Variants in NPHS1 observed in about 807,000 individuals in gnomAD.
NPHS1 encodes NPHS1 adhesion molecule, nephrin.
NPHS1 carries 107 observed loss-of-function variants against 139.7 expected under a neutral mutation model. The ratio of observed to expected loss-of-function variants is 0.77; its 90% CI spans 0.66 to 0.90. The LOEUF (loss-of-function observed/expected upper bound fraction) is 0.90, where lower values mean the gene tolerates loss of function less well. Among genes scored for constraint, NPHS1 ranks in the 40% least tolerant of loss-of-function variants. The pLI, the probability that NPHS1 is intolerant of heterozygous loss-of-function variation, is 0.00. For missense variants in NPHS1, 1,580 were observed against 1,654.2 expected (o/e 0.96, Z 0.78); for synonymous variants, 707 against 706.6 (o/e 1.00, Z -0.01).
At position 35,831,132 on chromosome 19, in the gene NPHS1, C is replaced by G. The variant is rs1202176722; in HGVS notation, c.3402G>C (p.Glu1134Asp). The G allele has an allele frequency of 1.2e-6, 2 of 1,613,976 alleles. No homozygotes were observed. The highest frequency in any genetic ancestry group is 1.7e-6 in the Non-Finnish European group (2 of 1,180,018). ...TCAGGGAGCGGTAATACGGCTCTGC[C>G]TCTGTTGTGCTGACCTGTTCCCCAC... ...DTQSSTVSTT[E>D]AEPYYRSLRD... is the part of the protein sequence containing the mutation. The change falls in exon 27 of 29, where the codon GAG becomes GAC. Residue 1134 changes from glutamate (E) to aspartate (D), a missense_variant. Glu to Asp is a conservative substitution (Grantham distance 45, BLOSUM62 2). Transcript: ENST00000378910.
chr19:35,851,130 A>G, intron 3 of NPHS1, 41 bp from the exon 4 acceptor site: 2 of 1,613,914 alleles, frequency 1.2e-6, no homozygotes, highest in Non-Finnish European at 1.7e-6. Context: ...CAGCACTGAG[A>G]AGGACTTGAA....
chr19:35,849,030 G>A lies in NPHS1; in HGVS notation c.958C>T (p.His320Tyr). The A allele has an allele frequency of 1.2e-6, 2 of 1,612,090 alleles. No homozygotes were observed. The highest frequency in any genetic ancestry group is 1.7e-6 in the Non-Finnish European group (2 of 1,180,030). ...DHGAQLSCEA[H>Y]NSVSAGTQEH... ...TGGGTCCCTGCAGACACGCTGTTGT[G>A]GGCCTCGCAGCTGAGCTGCGCTCCA... The change falls in exon 8 of 29, where the codon CAC (histidine) becomes TAC (tyrosine). Residue 320 changes from histidine (H) to tyrosine (Y), a missense_variant. His to Tyr is a moderately conservative substitution (Grantham distance 83). Coordinates refer to ENST00000378910, the MANE Select transcript of NPHS1 (RefSeq NM_004646.4).
rs1973130086 is a variant in NPHS1, at chr19:35,845,704, C to A, written c.1722G>T (p.Pro574=). The change falls in exon 13 of 29, where the codon CCG becomes CCT. Residue 574 remains proline (P), a synonymous_variant. Transcript: ENST00000378910. The surrounding 1 kb of genome is among the most constrained non-coding windows in gnomAD (Gnocchi z 5.5). The part of the protein sequence containing the change: ...NLTCVSVSSN[P]PVNLSWDKEG... ...CCTTGTCCCAGGACAAGTTGACCGGCGGATTGCTGCTGACGCTGACGCATG... is the reference window on the plus strand; with the variant it reads ...CCTTGTCCCAGGACAAGTTGACCGGAGGATTGCTGCTGACGCTGACGCATG... The A allele has an allele frequency of 6.2e-7, 1 of 1,614,016 alleles. No homozygotes were observed. Among genetic ancestry groups the A allele is most frequent in the Non-Finnish European group, 8.5e-7 (1 of 1,179,948 alleles).
chr19:35,830,566 T>C (rs1367680701), intron 28 of NPHS1, among the ~76,000 whole-genome samples: 3 of 152,240 alleles, frequency 2.0e-5, no homozygotes, highest in Non-Finnish European at 2.9e-5. Flanking sequence ...CACACCTCCA[T>C]GCCTGGCTCA....
At chr19:35,848,895 C>CA in intron 8 of NPHS1, 81 bp downstream of exon 8, 1 of 1,609,992 alleles carries the variant, frequency 6.2e-7, no homozygotes, top group Non-Finnish European at 8.5e-7. Context: ...CTTTGGCATC[C>CA]AGTAGGCATA....
intron 28 of NPHS1, among the ~76,000 whole-genome samples, chr19:35,827,671 C>T (rs1006642617): frequency 1.3e-5 from 2 of 152,164 alleles, no homozygotes; most frequent in African/African-American, 2.4e-5. Flanking sequence ...GTAATCCTAG[C>T]ATTTTGGGAG....
At chr19:35,826,782 A>G in intron 28 of NPHS1, 137 bp from the exon 29 acceptor site, 1 of 915,410 alleles carries the variant, frequency 1.1e-6, no homozygotes, top group Non-Finnish European at 1.7e-6. Context: ...AACATATACA[A>G]AAAAGGAGTG....
At position 35,842,293 on chromosome 19, in the gene NPHS1, G is replaced by A. The variant is rs536518140; in HGVS notation, c.2507-13C>T. The A allele has an allele frequency of 2.1e-4, 346 of 1,612,244 alleles. No individual in the cohort carries two copies. In the South Asian group the frequency reaches 3.4e-3, roughly 16 times the overall value. ...ACCTGGGGGGCAACTGGGAGGGGAT[G>A]GGCAGTCAACATGAGCTATGTGGGA... is the stretch of plus-strand genomic sequence containing the variant. On this transcript the variant is annotated splice_polypyrimidine_tract_variant and intron_variant, in intron 18 of 28. Transcript: ENST00000378910.
chr19:35,837,743 C>T (rs1972988172), intron 22 of NPHS1, among the ~76,000 whole-genome samples: 1 of 152,032 alleles, frequency 6.6e-6, no homozygotes. Context: ...ACTGGGATTA[C>T]AGGCATGTGC....
rs1173672976 is a variant in NPHS1, at chr19:35,849,287, C to T, written c.789G>A (p.Leu263=). The T allele has an allele frequency of 1.9e-6, 3 of 1,613,158 alleles. No homozygotes were observed. Among genetic ancestry groups the T allele is most frequent in the East Asian group, 2.2e-5 (1 of 44,888 alleles). Residue 263 remains leucine, a synonymous_variant, in exon 7 of 29, where the codon CTG becomes CTA. Coordinates refer to ENST00000378910, the MANE Select transcript of NPHS1 (RefSeq NM_004646.4). ...GHVRAGQSLE[L]PCVARGGNPL... ...GATTACCCCCTCGGGCCACGCACGG[C>T]AGCTCCAAGCTCTGTCCTGCCCGCA...
chr19:35,826,612 A>G lies in NPHS1; in HGVS notation c.3628T>C (p.Tyr1210His). 2.5e-6 allele frequency: 4 copies of G among 1,614,044 alleles called. No homozygotes were observed. Among genetic ancestry groups the G allele is most frequent in the Non-Finnish European group, 3.4e-6 (4 of 1,179,976 alleles). Reference sequence around the variant, plus strand: ...TCATAGATTCCTCTTGGATCCTGATATGTGTCTTCAGGCCAGTGGAGGTCC... The same window carrying G: ...TCATAGATTCCTCTTGGATCCTGATGTGTGTCTTCAGGCCAGTGGAGGTCC... The part of the protein sequence containing the change: ...PWDLHWPEDT[Y>H]QDPRGIYDQV... Residue 1210 changes from tyrosine (Y) to histidine (H), a missense_variant, in exon 29 of 29, where the codon TAT becomes CAT. By Grantham distance (83) the Tyr-to-His change is moderately conservative. Transcript: ENST00000378910.
rs760212563 is a variant in NPHS1 at position 35,826,657 on chromosome 19, A to G, written c.3595-12T>C. ...AGGTCCCAGGGTCCCTGACAGGCAA[A>G]AAGTGGAGTTAGAACCATGGAGAGA... On this transcript the variant is annotated splice_polypyrimidine_tract_variant and intron_variant, in intron 28 of 28. Coordinates refer to ENST00000378910, the MANE Select transcript of NPHS1 (RefSeq NM_004646.4). 1 of 1,613,966 alleles carries G rather than the reference A, an allele frequency of 6.2e-7. No individual in the cohort carries two copies. The highest frequency in any genetic ancestry group is 1.3e-5 in the African/African-American group (1 of 74,922).
At chr19:35,839,712 AT>A in intron 20 of NPHS1, 105 bp from the exon 21 acceptor site, 1 of 877,650 alleles carries the variant, frequency 1.1e-6, no homozygotes. Flanking sequence ...ATCGCTTCTC[AT>A]TGTTCATAGC....
intron 20 of NPHS1, among the ~76,000 whole-genome samples, chr19:35,840,553 C>A (rs1462757707): frequency 6.6e-6 from 1 of 151,856 alleles, no homozygotes; most frequent in African/African-American, 2.4e-5. Flanking sequence ...CCAGGATGGT[C>A]TCGATCTCCT....
chr19:35,849,219 C>G lies in NPHS1; in HGVS notation c.840+17G>C. ...CCCCACTGTCCCCCCATTCCCCATG[C>G]CCGCGTTTGCCCTCACCTTCAGCCA... On this transcript the variant is annotated intron_variant, in intron 7 of 28. Coordinates refer to ENST00000378910, the MANE Select transcript of NPHS1 (RefSeq NM_004646.4). The G allele has an allele frequency of 6.2e-7, 1 of 1,613,762 alleles. No individual in the cohort carries two copies. The highest frequency in any genetic ancestry group is 8.5e-7 in the Non-Finnish European group (1 of 1,180,034).
chr19:35,838,855 TA>T (rs960523912), intron 22 of NPHS1, among the ~76,000 whole-genome samples: 6 of 151,078 alleles, frequency 4.0e-5, no homozygotes, highest in Admixed American at 6.6e-5. Context: ...CTCAAAAAAA[TA>T]AAAAAAAATT....
At chr19:35,832,978 G>A (rs775252790) in intron 23 of NPHS1, among the ~76,000 whole-genome samples, 80 of 150,732 alleles carry the variant, frequency 5.3e-4, no homozygotes, top group Non-Finnish European at 9.6e-4. Flanking sequence ...TCCACCTGCA[G>A]GGTTCAAGCG....
intron 17 of NPHS1, among the ~76,000 whole-genome samples, chr19:35,843,246 C>A (rs879491193): frequency 1.3e-5 from 2 of 152,192 alleles, no homozygotes; most frequent in Admixed American, 6.5e-5. Flanking sequence ...ACTTACCTAC[C>A]TTTTGACCTA....
chr19:35,840,287 G>A (rs1229513357), intron 20 of NPHS1, among the ~76,000 whole-genome samples: 2 of 151,534 alleles, frequency 1.3e-5, no homozygotes, highest in African/African-American at 4.8e-5. Flanking sequence ...TTACAGGCAT[G>A]AGCCACCGCG....
Sources: gnomAD v4.1 joint callset for allele counts (sites outside exome capture counted in the v4.1 genomes callset) on GRCh38, gnomAD v4.1.1 for gene constraint, Gnocchi (gnomAD v3.1) non-coding constraint, MANE v1.5 for transcripts, NCBI Gene and HGNC (gene_info 2026-07-23, HGNC 2026-07-21) for gene names.